HS6ST1: variants seen among roughly 807,000 people sequenced by gnomAD.
HS6ST1 encodes heparan-sulfate 6-O-sulfotransferase 1.
Under a neutral mutation model 25.2 loss-of-function variants are expected in HS6ST1, and 3 were observed. The ratio of observed to expected loss-of-function variants is 0.12; its 90% CI spans 0.05 to 0.31. HS6ST1 has a LOEUF of 0.31. HS6ST1 is among the 10% of genes least tolerant of loss of function. The pLI is 1.00. For synonymous variants in HS6ST1, 204 were observed against 275.1 expected (o/e 0.74, Z 2.56); for missense variants, 310 against 609.6 (o/e 0.51, Z 5.18).
intron 1 of HS6ST1, among the ~76,000 whole-genome samples, chr2:128,296,024 A>T (rs1328812275): frequency 6.6e-6 from 1 of 152,242 alleles, no homozygotes; most frequent in Admixed American, 6.5e-5. Context: ...CAGTGGCTTC[A>T]TAAGAGAAGA....
At position 128,318,448 on chromosome 2, in the gene HS6ST1, C is replaced by T. The variant is rs754945631; in HGVS notation, c.116G>A (p.Gly39Glu). The change falls in exon 1 of 2, where the codon GGA becomes GAA. Residue 39 changes from glycine (G) to glutamate (E), a missense_variant. This residue lies in a region of HS6ST1 where 63 missense variants were observed against 105.4 expected (regional missense o/e 0.60). Transcript: ENST00000259241. This position sits in a 1 kb window ranked among gnomAD's most constrained non-coding sequence, Gnocchi z 5.7. The stretch of plus-strand genomic sequence containing the variant: ...GCCGCCGGGCGCGCCCAGGCTCAGT[C>T]CTGGGCCCGCGTACTGGTACAAGAT... Reference protein sequence around the residue: ...MLILYQYAGPGLSLGAPGGRA... With the variant: ...MLILYQYAGPELSLGAPGGRA... 4 of 1,589,446 alleles carry T rather than the reference C, an allele frequency of 2.5e-6. No homozygotes were observed. Among genetic ancestry groups the T allele is most frequent in the Non-Finnish European group, 3.4e-6 (4 of 1,170,782 alleles).
In HS6ST1 at chr2:128,268,777, C is replaced by A. The variant is rs1055575; in HGVS notation, c.621G>T (p.Ser207=). 1.2e-6 allele frequency: 2 copies of A among 1,612,548 alleles called. No individual in the cohort carries two copies. Among genetic ancestry groups the A allele is most frequent in the Non-Finnish European group, 1.7e-6 (2 of 1,179,904 alleles). The change falls in exon 2 of 2, where the codon TCG becomes TCT. Residue 207 remains serine (S), a synonymous_variant. Coordinates refer to ENST00000259241, the MANE Select transcript of HS6ST1 (RefSeq NM_004807.3). ...GCGTGCGCCCATCACACATATGCAA[C>A]GACGTCTTCCACGTGGCACCCCTCT... ...HVQRGATWKT[S]LHMCDGRTPT...
intron 1 of HS6ST1, among the ~76,000 whole-genome samples, chr2:128,271,610 T>G (rs1171482283): frequency 6.6e-6 from 1 of 152,218 alleles, no homozygotes; most frequent in Non-Finnish European, 1.5e-5. Context: ...TGCTCAGTTC[T>G]GTCCGCCCCT....
chr2:128,274,794 G>A (rs566817441), intron 1 of HS6ST1, among the ~76,000 whole-genome samples: 18 of 152,070 alleles, frequency 1.2e-4, no homozygotes, highest in African/African-American at 4.3e-4. Flanking sequence ...CTGGCCAATG[G>A]TGGCAAAACC....
In HS6ST1 at chr2:128,318,812, G is replaced by A. The variant is rs951610018; in HGVS notation, c.-249C>T. Among the ~76,000 whole-genome samples, 1 of 147,134 alleles carries A rather than the reference G, an allele frequency of 6.8e-6. No homozygotes were observed. Among genetic ancestry groups the A allele is most frequent in the African/African-American group, 2.4e-5 (1 of 40,848 alleles). Reference sequence around the variant, plus strand: ...CGCTCCCGGCCCCGGCCAGCACAGCGCTCTCCGCGCCCCCAGCACCAGCCC... The same window carrying A: ...CGCTCCCGGCCCCGGCCAGCACAGCACTCTCCGCGCCCCCAGCACCAGCCC... On this transcript the variant is annotated 5_prime_UTR_variant, in exon 1 of 2. Coordinates refer to ENST00000259241, the MANE Select transcript of HS6ST1 (RefSeq NM_004807.3). This position sits in a 1 kb window ranked among gnomAD's most constrained non-coding sequence, Gnocchi z 5.7.
intron 1 of HS6ST1, among the ~76,000 whole-genome samples, chr2:128,301,448 G>C (rs1694124814): frequency 6.6e-6 from 1 of 152,182 alleles, no homozygotes; most frequent in Non-Finnish European, 1.5e-5. Context: ...CCATTTCAAA[G>C]ACTTCTGAGA....
In HS6ST1 at chr2:128,271,798, C is replaced by T. The variant is rs953060745; in HGVS notation, c.528-2928G>A. On this transcript the variant is annotated intron_variant, in intron 1 of 1. Coordinates refer to ENST00000259241, the MANE Select transcript of HS6ST1 (RefSeq NM_004807.3). ...GGGCCCCGATTGACCCGAGGGCTTT[C>T]CCCTCCTGGGAGGAACTCATTCCTC... 2.0e-5 allele frequency among the ~76,000 whole-genome samples: 3 copies of T among 152,216 alleles called. No homozygotes were observed. The South Asian group carries it at 6.2e-4, about 32-fold the overall frequency.
chr2:128,309,300 G>C (rs1253800889), intron 1 of HS6ST1, among the ~76,000 whole-genome samples: 2 of 152,262 alleles, frequency 1.3e-5, no homozygotes, highest in Admixed American at 1.3e-4. Context: ...GGTGGGAAAA[G>C]AAAATGAGGT....
Position 128,268,355 on chromosome 2 carries a change from T to G in HS6ST1, c.1043A>C (p.Tyr348Ser). 6.2e-7 allele frequency: 1 copy of G among 1,613,664 alleles called. No individual in the cohort carries two copies. The highest frequency in any genetic ancestry group is 8.5e-7 in the Non-Finnish European group (1 of 1,179,868). The stretch of plus-strand genomic sequence containing the variant: ...CTGGAAGAGGTCCTTGGCGTAGTCG[T>G]ACAGCTGCATGTCCAGGTCGTTGAG... ...EELNDLDMQLYDYAKDLFQQR... is the reference protein window; with the variant it reads ...EELNDLDMQLSDYAKDLFQQR... The change falls in exon 2 of 2, where the codon TAC (tyrosine) becomes TCC (serine). Residue 348 changes from tyrosine (Y) to serine (S), a missense_variant. Coordinates refer to ENST00000259241, the MANE Select transcript of HS6ST1 (RefSeq NM_004807.3).
At chr2:128,300,944 A>G (rs1203689472) in intron 1 of HS6ST1, among the ~76,000 whole-genome samples, 1 of 152,242 alleles carries the variant, frequency 6.6e-6, no homozygotes, top group Non-Finnish European at 1.5e-5. Context: ...GCACATGCCT[A>G]AGAAATGAGT....
chr2:128,290,120 T>C (rs1222660979), intron 1 of HS6ST1: 1 of 151,428 alleles, frequency 6.6e-6, no homozygotes, highest in Non-Finnish European at 1.5e-5. Context: ...AGCACAAATA[T>C]TGCAAAATGT....
chr2:128,288,828 G>A (rs1334031749), intron 1 of HS6ST1, among the ~76,000 whole-genome samples: 2 of 151,990 alleles, frequency 1.3e-5, no homozygotes, highest in Non-Finnish European at 2.9e-5. Context: ...AGCCTTTCTC[G>A]GGGTCAGGAG....
chr2:128,299,771 G>C (rs1463287794), intron 1 of HS6ST1, among the ~76,000 whole-genome samples: 1 of 152,222 alleles, frequency 6.6e-6, no homozygotes, highest in African/African-American at 2.4e-5. Flanking sequence ...CTGTGGCTGA[G>C]AGGCTCATAA....
At chr2:128,297,371 T>C (rs963841524) in intron 1 of HS6ST1, among the ~76,000 whole-genome samples, 1 of 152,044 alleles carries the variant, frequency 6.6e-6, no homozygotes, top group Non-Finnish European at 1.5e-5. Context: ...ACATAGAAAT[T>C]AACTCAAAAT....
chr2:128,312,529 G>A (rs1182909496), intron 1 of HS6ST1, among the ~76,000 whole-genome samples: 1 of 152,186 alleles, frequency 6.6e-6, no homozygotes, highest in East Asian at 1.9e-4. Flanking sequence ...CACATGGGAT[G>A]GTGATGGGCA....
Position 128,318,325 on chromosome 2 carries a change from C to G in HS6ST1, c.239G>C (p.Arg80Pro), listed in dbSNP as rs778354529. 2 of 1,611,616 alleles carry G rather than the reference C, an allele frequency of 1.2e-6. No individual in the cohort carries two copies. The highest frequency in any genetic ancestry group is 2.2e-5 in the East Asian group (1 of 44,782). ...CACGTCGTCGCCCTTCATGTCGAAG[C>G]GCAGCGAGCGCTCCAGCTCGCGGAC... ...FPVRELERSL[R>P]FDMKGDDVIV... Residue 80 changes from arginine (R) to proline (P), a missense_variant, in exon 1 of 2, where the codon CGC becomes CCC. This residue lies in a region of HS6ST1 where 9 missense variants were observed against 27.4 expected (regional missense o/e 0.33). Transcript: ENST00000259241. This position sits in a 1 kb window ranked among gnomAD's most constrained non-coding sequence, Gnocchi z 5.7.
chr2:128,311,429 T>G (rs901429708), intron 1 of HS6ST1, among the ~76,000 whole-genome samples: 3 of 152,194 alleles, frequency 2.0e-5, no homozygotes, highest in Admixed American at 1.3e-4. Flanking sequence ...GGCTCCCATC[T>G]GACTGGGCCC....
intron 1 of HS6ST1, among the ~76,000 whole-genome samples, chr2:128,290,515 C>T (rs186094296): frequency 3.2e-4 from 49 of 152,252 alleles, no homozygotes; most frequent in African/African-American, 6.7e-4. Context: ...TATTACACTA[C>T]GACCATACTT....
chr2:128,275,349 A>G (rs1042988102), intron 1 of HS6ST1, among the ~76,000 whole-genome samples: 14 of 152,218 alleles, frequency 9.2e-5, no homozygotes, highest in African/African-American at 3.4e-4. Flanking sequence ...ACCTTCATCT[A>G]TCGAAACAAA....
Sources: gnomAD v4.1 joint callset for allele counts (sites outside exome capture counted in the v4.1 genomes callset) on GRCh38, gnomAD v4.1.1 for gene constraint, gnomAD v4.1.1 regional missense constraint, Gnocchi (gnomAD v3.1) non-coding constraint, MANE v1.5 for transcripts, NCBI Gene and HGNC (gene_info 2026-07-23, HGNC 2026-07-21) for gene names.